Variants in TP73 observed in about 807,000 individuals in gnomAD.
TP73 encodes tumor protein p73.
In TP73, 25 loss-of-function variants were observed where a neutral mutation model predicts 62.5. That is an observed-to-expected ratio of 0.40 (90% CI 0.29 to 0.56). TP73 has a LOEUF of 0.56. TP73 is among the 20% of genes least tolerant of loss of function. The pLI, the probability that TP73 is intolerant of heterozygous loss-of-function variation, is 0.46. For missense variants in TP73, 754 were observed against 913.3 expected (o/e 0.83, Z 2.25); for synonymous variants, 423 against 377.5 (o/e 1.12, Z -1.40).
chr1:3,691,703 G>A (rs1220551413), intron 3 of TP73, among the ~76,000 whole-genome samples: 1 of 152,212 alleles, frequency 6.6e-6, no homozygotes, highest in Non-Finnish European at 1.5e-5. Flanking sequence ...CGGCACAGCT[G>A]CTCCACGTGG....
At position 3,699,175 on chromosome 1, in the gene TP73, TC is replaced by T. The variant is rs942850706; in HGVS notation, c.187-8372del. Reference sequence around the variant, plus strand: ...CCGCATGTCGAATCTTGTTGGCATTTCCATTCGTTTAATCACGGGCTCCGGG... The same window carrying T: ...CCGCATGTCGAATCTTGTTGGCATTTCATTCGTTTAATCACGGGCTCCGGG... On this transcript the variant is annotated intron_variant, in intron 3 of 13. Transcript: ENST00000378295. The surrounding 1 kb of genome is among the most constrained non-coding windows in gnomAD (Gnocchi z 4.1). 2.0e-5 allele frequency among the ~76,000 whole-genome samples: 3 copies of T among 151,988 alleles called. No individual in the cohort carries two copies. The highest frequency in any genetic ancestry group is 7.3e-5 in the African/African-American group (3 of 41,378).
rs532609030 is a variant in TP73, at chr1:3,708,010, CA to C, written c.429+220del. ...CTAGACGTGAGTGGCCAGAGCCAGT[CA>C]GCCTCCAAAGGGCCACAGAGGGGAC... On this transcript the variant is annotated intron_variant, in intron 4 of 13. Transcript: ENST00000378295. 5.2e-4 allele frequency: 369 copies of C among 716,130 alleles called. 1 individual carries two copies. The African/African-American group carries it at 6.2e-3, about 12-fold the overall frequency. 44.4% of individuals were successfully genotyped at this position (716,130 alleles called of 1,614,324 possible).
Position 3,733,084 on chromosome 1 carries a change from C to A in TP73, c.*5C>A. 6.6e-7 allele frequency: 1 copy of A among 1,525,618 alleles called. No homozygotes were observed. Among genetic ancestry groups the A allele is most frequent in the Non-Finnish European group, 8.8e-7 (1 of 1,138,642 alleles). 94.5% of individuals were successfully genotyped at this position (1,525,618 alleles called of 1,614,324 possible). A position where few individuals can be genotyped will look rare whatever the true frequency, so the allele number is the denominator to read the frequency against. On this transcript the variant is annotated 3_prime_UTR_variant, in exon 14 of 14. Coordinates refer to ENST00000378295, the MANE Select transcript of TP73 (RefSeq NM_005427.4). ...ACGGAGGCCGAGATCCACTGAGGGC[C>A]TCGCCTGGCTGCAGCCTGCGCCACC... is the stretch of plus-strand genomic sequence containing the variant.
chr1:3,732,989 C>G lies in TP73; in HGVS notation c.1821C>G (p.Asp607Glu), dbSNP rs1402767646. ...PNRGGPGGGP[D>E]EWADFGFDLP... ...GCGGCGGCCCAGGCGGCGGCCCTGA[C>G]GAGTGGGCGGACTTCGGCTTCGACC... The change falls in exon 14 of 14, where the codon GAC (aspartate) becomes GAG (glutamate). Residue 607 changes from aspartate to glutamate, a missense_variant. By Grantham distance (45) the Asp-to-Glu change is conservative. Coordinates refer to ENST00000378295, the MANE Select transcript of TP73 (RefSeq NM_005427.4). 3 of 1,588,962 alleles carry G rather than the reference C, an allele frequency of 1.9e-6. No homozygotes were observed. Among genetic ancestry groups the G allele is most frequent in the Middle Eastern group, 1.7e-4 (1 of 6,054 alleles).
At chr1:3,704,850 C>CTCGTGGCCAGA (rs1639495349) in intron 3 of TP73, among the ~76,000 whole-genome samples, 1 of 152,208 alleles carries the variant, frequency 6.6e-6, no homozygotes, top group Non-Finnish European at 1.5e-5. Flanking sequence ...GGCAGGGGTC[C>CTCGTGGCCAGA]ATCCTCTGTG....
In TP73 at chr1:3,682,517, C is replaced by T. The variant is rs185386235; in HGVS notation, c.65+87C>T. On this transcript the variant is annotated intron_variant, in intron 2 of 13. Coordinates refer to ENST00000378295, the MANE Select transcript of TP73 (RefSeq NM_005427.4). ...AGCCACCTTCGCTGGGCTAACTGGG[C>T]CAGAGCAGGAGGGGTGGCCCCGGGA... 418 of 1,289,344 alleles carry T rather than the reference C, an allele frequency of 3.2e-4. 1 individual carries two copies. In the African/African-American group the frequency reaches 4.4e-3, roughly 14 times the overall value. 79.9% of individuals were successfully genotyped at this position (1,289,344 alleles called of 1,614,324 possible).
intron 10 of TP73, 125 bp downstream of exon 10, chr1:3,729,573 C>T (rs11589885): frequency 0.67 from 1,039,466 of 1,543,946 alleles, 367,775 homozygotes; most frequent in Non-Finnish European, 0.74. Flanking sequence ...GCAGCAGGGT[C>T]CAGAGCAGAG....
intron 3 of TP73, among the ~76,000 whole-genome samples, chr1:3,693,359 A>G (rs2146660): frequency 0.71 from 107,527 of 152,134 alleles, 40,410 homozygotes; most frequent in Non-Finnish European, 0.84. Flanking sequence ...AAAGCACAGT[A>G]GCTGCTCCGG....
At chr1:3,706,087 A>T (rs1328327133) in intron 3 of TP73, among the ~76,000 whole-genome samples, 1 of 152,076 alleles carries the variant, frequency 6.6e-6, no homozygotes, top group Non-Finnish European at 1.5e-5. Context: ...TTCTCTAAAG[A>T]GGGACACAGG....
chr1:3,688,646 C>G (rs765436297), intron 3 of TP73, among the ~76,000 whole-genome samples: 1 of 152,236 alleles, frequency 6.6e-6, no homozygotes, highest in Non-Finnish European at 1.5e-5. Context: ...TGTCCCTGTC[C>G]TCTGCAAGGC....
intron 3 of TP73, chr1:3,690,880 C>A (rs200179434): frequency 1.9e-6 from 3 of 1,566,652 alleles, no homozygotes; most frequent in South Asian, 2.3e-5. Context: ...AGTTCCCTGG[C>A]GTGTGCAGAC....
rs567095487 is a variant in TP73, at chr1:3,653,884, A to G, written c.-34+1243A>G. Among the ~76,000 whole-genome samples, 17 of 152,292 alleles carry G rather than the reference A, an allele frequency of 1.1e-4. 1 individual carries two copies. Among genetic ancestry groups the G allele is most frequent in the Admixed American group, 1.0e-3 (16 of 15,304 alleles). Reference sequence around the variant, plus strand: ...TATGTAGTTTTTAAAATAAGATAAAAAGTTGGCTGGGCACGGTAGCTCACG... The same window carrying G: ...TATGTAGTTTTTAAAATAAGATAAAGAGTTGGCTGGGCACGGTAGCTCACG... On this transcript the variant is annotated intron_variant, in intron 1 of 13. Coordinates refer to ENST00000378295, the MANE Select transcript of TP73 (RefSeq NM_005427.4).
At chr1:3,731,203 A>G in intron 12 of TP73, 138 bp downstream of exon 12, 1 of 1,279,242 alleles carries the variant, frequency 7.8e-7, no homozygotes, top group East Asian at 2.5e-5. Flanking sequence ...GGGCGGGGGC[A>G]GTCAGGCCAG....
rs12725742 is a variant in TP73, at chr1:3,735,053, G to A, written c.*1974G>A. The A allele has an allele frequency of 6.6e-6, 1 of 152,460 alleles. No homozygotes were observed. Among genetic ancestry groups the A allele is most frequent in the Non-Finnish European group, 1.5e-5 (1 of 68,250 alleles). The allele number at this position is 152,460 out of a possible 1,614,324, so 9.4% of individuals were successfully genotyped here. On this transcript the variant is annotated 3_prime_UTR_variant, in exon 14 of 14. Coordinates refer to ENST00000378295, the MANE Select transcript of TP73 (RefSeq NM_005427.4). ...TTCCCAGGGTGGCGCAGCCACCCCA[G>A]CTGCATGTCACCTCAGCTCTCCATC...
At chr1:3,654,946 G>A (rs961912119) in intron 1 of TP73, among the ~76,000 whole-genome samples, 1 of 152,248 alleles carries the variant, frequency 6.6e-6, no homozygotes, top group African/African-American at 2.4e-5. Flanking sequence ...TGAGGGCCGA[G>A]AGAGGAGCCG....
At chr1:3,680,546 C>G (rs1645495603) in intron 1 of TP73, among the ~76,000 whole-genome samples, 1 of 152,222 alleles carries the variant, frequency 6.6e-6, no homozygotes, top group South Asian at 2.1e-4. Flanking sequence ...TCCAGTGCTC[C>G]TGCCCTTCAG....
chr1:3,661,253 T>C (rs896611632), intron 1 of TP73, among the ~76,000 whole-genome samples: 1 of 152,194 alleles, frequency 6.6e-6, no homozygotes, highest in Non-Finnish European at 1.5e-5. Context: ...AAAGACTTAA[T>C]TTAGAGTGTG....
Position 3,734,844 on chromosome 1 carries a change from G to A in TP73, c.*1765G>A, listed in dbSNP as rs993244953. ...TGGGGGCAGCAGGAACGGGGCTGTC[G>A]GCTCTCAGGGGATCTGGCTGCAGCC... On this transcript the variant is annotated 3_prime_UTR_variant, in exon 14 of 14. Transcript: ENST00000378295. This position sits in a 1 kb window ranked among gnomAD's most constrained non-coding sequence, Gnocchi z 4.4. 5.9e-5 allele frequency: 9 copies of A among 151,868 alleles called. No individual in the cohort carries two copies. The highest frequency in any genetic ancestry group is 1.3e-4 in the Admixed American group (2 of 15,294). The allele number at this position is 151,868 out of a possible 1,614,324, so 9.4% of individuals were successfully genotyped here.
intron 6 of TP73, among the ~76,000 whole-genome samples, chr1:3,723,880 GCGC>G: frequency 6.6e-6 from 1 of 152,190 alleles, no homozygotes; most frequent in Non-Finnish European, 1.5e-5. Context: ...ACCAGCAACA[GCGC>G]CTGAAGGGGT....
Sources: allele counts gnomAD v4.1 joint callset (sites outside exome capture counted in the v4.1 genomes callset), GRCh38; gene constraint gnomAD v4.1.1; non-coding constraint Gnocchi (gnomAD v3.1); transcripts MANE v1.5; gene names NCBI Gene and HGNC (gene_info 2026-07-23, HGNC 2026-07-21).